Variants in NRG1 observed in about 807,000 individuals in gnomAD.
NRG1 encodes pro-neuregulin-1, membrane-bound isoform.
Under a neutral mutation model 63.8 loss-of-function variants are expected in NRG1, and 18 were observed. That is an observed-to-expected ratio of 0.28 (90% CI 0.19 to 0.42). NRG1 has a LOEUF of 0.42. Among genes scored for constraint, NRG1 ranks in the 10% least tolerant of loss-of-function variants. NRG1 has a pLI of 1.00. For synonymous variants in NRG1, 302 were observed against 301.3 expected (o/e 1.00, Z -0.02); for missense variants, 762 against 814.7 (o/e 0.94, Z 0.79).
At chr8:32,586,193 A>G (rs1287425258) in intron 1 of NRG1, among the ~76,000 whole-genome samples, 1 of 149,196 alleles carries the variant, frequency 6.7e-6, no homozygotes, top group Non-Finnish European at 1.5e-5. Flanking sequence ...TAATGTGTAT[A>G]TGTATACATT....
intron 5 of NRG1, among the ~76,000 whole-genome samples, chr8:32,638,724 A>G (rs905592945): frequency 6.6e-6 from 1 of 152,206 alleles, no homozygotes; most frequent in African/African-American, 2.4e-5. Context: ...ATCATAAGAT[A>G]TTTTTATCTT....
At chr8:32,672,758 A>G (rs1806022084) in intron 5 of NRG1, among the ~76,000 whole-genome samples, 1 of 83,382 alleles carries the variant, frequency 1.2e-5, no homozygotes, top group South Asian at 5.8e-4. Context: ...TATCCTCATT[A>G]AAATAATATC....
chr8:31,974,254 C>T (rs1807794193), intron 1 of NRG1, among the ~76,000 whole-genome samples: 1 of 152,176 alleles, frequency 6.6e-6, no homozygotes, highest in Non-Finnish European at 1.5e-5. Context: ...CTGCCTCCAA[C>T]TCCTGGGCTC....
chr8:31,800,113 T>C (rs1821614131), intron 1 of NRG1, among the ~76,000 whole-genome samples: 1 of 152,204 alleles, frequency 6.6e-6, no homozygotes, highest in South Asian at 2.1e-4. Flanking sequence ...TTTTTTCCTT[T>C]AATTTGTTTG....
chr8:32,356,482 C>CT (rs1554517233), intron 1 of NRG1, among the ~76,000 whole-genome samples: 5 of 131,746 alleles, frequency 3.8e-5, no homozygotes, highest in African/African-American at 1.2e-4. Context: ...GGACCCCCCC[C>CT]CCACCCGCCG....
At chr8:31,879,846 G>T (rs1394242502) in intron 1 of NRG1, among the ~76,000 whole-genome samples, 2 of 152,268 alleles carry the variant, frequency 1.3e-5, no homozygotes, top group African/African-American at 2.4e-5. Flanking sequence ...TGCTAAGGAT[G>T]ATGGCCTCCA....
chr8:32,237,022 A>C (rs1013308297), intron 1 of NRG1, among the ~76,000 whole-genome samples: 2 of 152,220 alleles, frequency 1.3e-5, no homozygotes, highest in Non-Finnish European at 2.9e-5. Context: ...AAACAAAAAA[A>C]CAAAACAAGC....
At chr8:31,660,606 A>C (rs1027505297) in intron 1 of NRG1, among the ~76,000 whole-genome samples, 4 of 152,332 alleles carry the variant, frequency 2.6e-5, no homozygotes, top group Non-Finnish European at 5.9e-5. Flanking sequence ...ACTCCGGCTC[A>C]CCAGCCACTA....
At chr8:32,155,106 T>C (rs1008928094) in intron 1 of NRG1, among the ~76,000 whole-genome samples, 7 of 152,156 alleles carry the variant, frequency 4.6e-5, no homozygotes, top group Admixed American at 2.0e-4. Context: ...TTTTGGCTAC[T>C]GGGAGAGGCC....
intron 5 of NRG1, among the ~76,000 whole-genome samples, chr8:32,649,312 A>G (rs573635333): frequency 6.6e-6 from 1 of 152,294 alleles, no homozygotes; most frequent in Non-Finnish European, 1.5e-5. Context: ...TAGAGTGGAA[A>G]GTTGACAGGA....
At chr8:32,181,210 C>T (rs760372506) in intron 1 of NRG1, among the ~76,000 whole-genome samples, 19 of 152,054 alleles carry the variant, frequency 1.2e-4, no homozygotes, top group Non-Finnish European at 2.5e-4. Flanking sequence ...TCTCTAGATC[C>T]CAGATTAAGA....
At chr8:31,939,323 T>C (rs918696061) in intron 1 of NRG1, among the ~76,000 whole-genome samples, 1 of 151,940 alleles carries the variant, frequency 6.6e-6, no homozygotes, top group African/African-American at 2.4e-5. Context: ...GCTTCGTAAA[T>C]GAAGGAAAGA....
chr8:32,311,961 T>A (rs997049579), intron 1 of NRG1, among the ~76,000 whole-genome samples: 1 of 152,152 alleles, frequency 6.6e-6, no homozygotes, highest in Non-Finnish European at 1.5e-5. Context: ...CTTTTTTCTC[T>A]ATTTCATGGA....
At chr8:31,754,258 G>A (rs1323409302) in intron 1 of NRG1, among the ~76,000 whole-genome samples, 1 of 152,100 alleles carries the variant, frequency 6.6e-6, no homozygotes, top group Non-Finnish European at 1.5e-5. Context: ...TGGAGGTGGG[G>A]CCTTGTGGCA....
At chr8:32,171,667 A>G (rs552847053) in intron 1 of NRG1, among the ~76,000 whole-genome samples, 4 of 152,236 alleles carry the variant, frequency 2.6e-5, no homozygotes, top group African/African-American at 9.6e-5. Context: ...ACTTTTCCAA[A>G]GGTCTTAGCA....
At chr8:32,189,390 T>C (rs916682286) in intron 1 of NRG1, among the ~76,000 whole-genome samples, 1 of 152,208 alleles carries the variant, frequency 6.6e-6, no homozygotes, top group Admixed American at 6.5e-5. Context: ...TAAGCCTTTA[T>C]GGTAATTACT....
At chr8:31,947,944 CAAA>C (rs55953491) in intron 1 of NRG1, among the ~76,000 whole-genome samples, 1,959 of 32,786 alleles carry the variant, frequency 0.06, 38 homozygotes, top group African/African-American at 0.16. Context: ...GACTCCATCT[CAAA>C]AAAAAAAAAA....
intron 1 of NRG1, among the ~76,000 whole-genome samples, chr8:32,167,608 A>C (rs1839534934): frequency 6.6e-6 from 1 of 152,220 alleles, no homozygotes; most frequent in Non-Finnish European, 1.5e-5. Context: ...TGGCTGGTGC[A>C]ATCAATGATA....
At chr8:31,711,299 T>G (rs1811718392) in intron 1 of NRG1, among the ~76,000 whole-genome samples, 1 of 152,226 alleles carries the variant, frequency 6.6e-6, no homozygotes, top group Non-Finnish European at 1.5e-5. Context: ...TAAATCATTT[T>G]TGTAAGTAAA....
Sources: gnomAD v4.1 joint callset for allele counts (sites outside exome capture counted in the v4.1 genomes callset) on GRCh38, gnomAD v4.1.1 for gene constraint, MANE v1.5 for transcripts, NCBI Gene and HGNC (gene_info 2026-07-23, HGNC 2026-07-21) for gene names.